The following NEGR1 variants were observed in gnomAD, a reference collection of about 807,000 sequenced individuals.
The protein encoded by NEGR1 is IgLON family member 4.
NEGR1 carries 10 observed loss-of-function variants against 40.9 expected under a neutral mutation model. The ratio of observed to expected loss-of-function variants is 0.24; its 90% CI spans 0.15 to 0.42. The LOEUF (loss-of-function observed/expected upper bound fraction) is 0.42. Ranked by LOEUF, NEGR1 falls within the 10% of genes least tolerant of loss-of-function variation. The probability of loss-of-function intolerance (pLI) is 1.00; values close to 1 mark genes in which losing one functional copy is unlikely to be tolerated. For synonymous variants in NEGR1, 185 were observed against 166.8 expected, an observed-to-expected ratio of 1.11 and a Z score of -0.84; for missense variants, 352 against 438.9, an observed-to-expected ratio of 0.80 and a Z score of 1.77.
In NEGR1 at chr1:71,643,953, G is replaced by T. The variant is rs150924020; in HGVS notation, c.668-32807C>A. Reference sequence around the variant, plus strand: ...CTAGAAAGTATGATATTAACTTCCTGTGGAAAAAATTTTACACTGCCACAG... The same window carrying T: ...CTAGAAAGTATGATATTAACTTCCTTTGGAAAAAATTTTACACTGCCACAG... On this transcript the variant is annotated intron_variant, in intron 4 of 6. Transcript: ENST00000357731. Among the ~76,000 whole-genome samples, 128 of 152,062 alleles carry T rather than the reference G, an allele frequency of 8.4e-4. 1 individual carries two copies. Among genetic ancestry groups the T allele is most frequent in the Admixed American group, 7.9e-3 (121 of 15,242 alleles).
chr1:71,845,450 T>C (rs1659372815), intron 2 of NEGR1, among the ~76,000 whole-genome samples: 1 of 152,106 alleles, frequency 6.6e-6, no homozygotes, highest in Non-Finnish European at 1.5e-5. Flanking sequence ...TGAAGACTTT[T>C]GTTCTCAGGG....
intron 6 of NEGR1, among the ~76,000 whole-genome samples, chr1:71,507,414 T>G (rs1276800890): frequency 6.6e-6 from 1 of 152,198 alleles, no homozygotes; most frequent in Non-Finnish European, 1.5e-5. Flanking sequence ...AGGGAGTCAT[T>G]AGGGACCCCA....
chr1:72,236,764 A>G (rs958920921), intron 1 of NEGR1, among the ~76,000 whole-genome samples: 1 of 151,926 alleles, frequency 6.6e-6, no homozygotes, highest in Non-Finnish European at 1.5e-5. Context: ...GCTGTTTTTG[A>G]TGATATAATT....
At chr1:72,021,128 C>T (rs1044510603) in intron 1 of NEGR1, among the ~76,000 whole-genome samples, 2 of 152,180 alleles carry the variant, frequency 1.3e-5, no homozygotes, top group South Asian at 2.1e-4. Flanking sequence ...TAAAATATTA[C>T]ATTTTGAAAA....
At chr1:71,923,573 C>T (rs1052938150) in intron 2 of NEGR1, among the ~76,000 whole-genome samples, 1 of 152,144 alleles carries the variant, frequency 6.6e-6, no homozygotes, top group Non-Finnish European at 1.5e-5. Context: ...TAAAACAACA[C>T]AAGTGTATCT....
chr1:71,737,436 A>T (rs1187791216), intron 3 of NEGR1, among the ~76,000 whole-genome samples: 1 of 151,804 alleles, frequency 6.6e-6, no homozygotes, highest in Non-Finnish European at 1.5e-5. Context: ...ATTAAGATGT[A>T]GACATGTTTT....
At chr1:72,193,373 A>C (rs747085368) in intron 1 of NEGR1, among the ~76,000 whole-genome samples, 13 of 151,874 alleles carry the variant, frequency 8.6e-5, no homozygotes, top group Non-Finnish European at 1.9e-4. Flanking sequence ...GCACACAATC[A>C]GGAATATCTC....
intron 5 of NEGR1, among the ~76,000 whole-genome samples, chr1:71,601,966 AAATT>A (rs1557583189): frequency 6.6e-6 from 1 of 152,072 alleles, no homozygotes; most frequent in East Asian, 1.9e-4. Context: ...ATAAATAAAT[AAATT>A]AATTAAATTA....
At chr1:71,457,060 C>A (rs1219727797) in intron 6 of NEGR1, among the ~76,000 whole-genome samples, 1 of 152,014 alleles carries the variant, frequency 6.6e-6, no homozygotes, top group Non-Finnish European at 1.5e-5. Flanking sequence ...TCTGAGAGTC[C>A]TCACATCTCT....
rs552612856 is a variant in NEGR1, at chr1:72,172,245, T to C, written c.176+110074A>G. 9.6e-4 allele frequency among the ~76,000 whole-genome samples: 146 copies of C among 152,210 alleles called. 2 individuals are homozygous for C. The highest frequency in any genetic ancestry group is 7.9e-4 in the Non-Finnish European group (54 of 68,004). On this transcript the variant is annotated intron_variant, in intron 1 of 6. Coordinates refer to ENST00000357731, the MANE Select transcript of NEGR1 (RefSeq NM_173808.3). ...CCTTAGGCAGGTATAATAAAATATT[T>C]CTACTAGTTCCTTTTCTACATTATT... is the stretch of plus-strand genomic sequence containing the variant.
At chr1:72,185,224 T>C (rs1281032982) in intron 1 of NEGR1, among the ~76,000 whole-genome samples, 1 of 151,872 alleles carries the variant, frequency 6.6e-6, no homozygotes, top group Non-Finnish European at 1.5e-5. Flanking sequence ...TAATCTTATA[T>C]ATGCAATTAT....
At chr1:71,979,284 T>C (rs1282672269) in intron 1 of NEGR1, among the ~76,000 whole-genome samples, 3 of 152,070 alleles carry the variant, frequency 2.0e-5, no homozygotes. Context: ...GGTGATGACA[T>C]AATCTGTACA....
At chr1:71,933,176 C>T (rs1248680792) in intron 2 of NEGR1, among the ~76,000 whole-genome samples, 1 of 151,566 alleles carries the variant, frequency 6.6e-6, no homozygotes, top group Non-Finnish European at 1.5e-5. Flanking sequence ...TAATGACCAG[C>T]AAAAAAGAGT....
At chr1:71,924,162 C>T (rs913092955) in intron 2 of NEGR1, among the ~76,000 whole-genome samples, 3 of 152,154 alleles carry the variant, frequency 2.0e-5, no homozygotes, top group African/African-American at 7.2e-5. Context: ...TAGGCTAGCC[C>T]TGTCTTAAAA....
chr1:72,233,596 G>C (rs967205967), intron 1 of NEGR1, among the ~76,000 whole-genome samples: 5 of 152,108 alleles, frequency 3.3e-5, no homozygotes, highest in Admixed American at 6.6e-5. Flanking sequence ...GCCTCCAGCT[G>C]CAAGTATGTT....
At chr1:71,547,486 C>A (rs1647937120) in intron 6 of NEGR1, among the ~76,000 whole-genome samples, 2 of 151,782 alleles carry the variant, frequency 1.3e-5, no homozygotes, top group Non-Finnish European at 3.0e-5. Flanking sequence ...CCTGGACTCA[C>A]AACATTGCAG....
In NEGR1 at chr1:71,637,176, C is replaced by T. The variant is rs1224623358; in HGVS notation, c.668-26030G>A. Among the ~76,000 whole-genome samples the T allele has an allele frequency of 2.0e-5, 3 of 151,980 alleles. No individual in the cohort carries two copies. The East Asian group carries it at 5.8e-4, about 29-fold the overall frequency. On this transcript the variant is annotated intron_variant, in intron 4 of 6. Coordinates refer to ENST00000357731, the MANE Select transcript of NEGR1 (RefSeq NM_173808.3). The stretch of plus-strand genomic sequence containing the variant: ...ATTTGAACTATTATAGTTTGGTCTT[C>T]CCTACTTTCATGTGCATGTGTCTAT...
intron 2 of NEGR1, among the ~76,000 whole-genome samples, chr1:71,884,143 C>T (rs1239664562): frequency 6.6e-6 from 1 of 152,122 alleles, no homozygotes; most frequent in African/African-American, 2.4e-5. Context: ...AGCTCATTCC[C>T]TCCTTACTCC....
At chr1:71,996,729 G>C (rs1450074798) in intron 1 of NEGR1, among the ~76,000 whole-genome samples, 2 of 152,050 alleles carry the variant, frequency 1.3e-5, no homozygotes, top group East Asian at 3.9e-4. Flanking sequence ...CATTATAAAA[G>C]GATCAGAAGA....
Sources: gnomAD v4.1 joint callset for allele counts (sites outside exome capture counted in the v4.1 genomes callset) on GRCh38, gnomAD v4.1.1 for gene constraint, MANE v1.5 for transcripts, NCBI Gene and HGNC (gene_info 2026-07-23, HGNC 2026-07-21) for gene names.